The following CHRM3 variants were observed in gnomAD, a reference collection of about 807,000 sequenced individuals.
The protein encoded by CHRM3 is cholinergic receptor muscarinic 3, also known as muscarinic acetylcholine receptor M3.
A neutral mutation model predicts 41.8 loss-of-function variants in CHRM3; 11 were observed. That is an observed-to-expected ratio of 0.26 (90% CI 0.17 to 0.44). CHRM3 has a LOEUF of 0.44. Ranked by LOEUF, CHRM3 falls within the 20% of genes least tolerant of loss-of-function variation. The pLI, the probability that CHRM3 is intolerant of heterozygous loss-of-function variation, is 1.00. For missense variants in CHRM3, 571 were observed against 745.4 expected (o/e 0.77, Z 2.72); for synonymous variants, 297 against 301.4 (o/e 0.99, Z 0.15).
At chr1:239,470,916 T>C (rs1446154971) in intron 1 of CHRM3, among the ~76,000 whole-genome samples, 1 of 152,226 alleles carries the variant, frequency 6.6e-6, no homozygotes, top group Non-Finnish European at 1.5e-5. Flanking sequence ...AAAAAGTGAA[T>C]GGATTCAGTT....
chr1:239,654,258 T>C (rs1364066953), intron 4 of CHRM3, among the ~76,000 whole-genome samples: 1 of 152,154 alleles, frequency 6.6e-6, no homozygotes, highest in African/African-American at 2.4e-5. Context: ...TGCGAGCCAC[T>C]GTACCCAGCC....
intron 4 of CHRM3, among the ~76,000 whole-genome samples, chr1:239,668,084 CCTTT>C (rs1673993006): frequency 6.8e-6 from 1 of 146,222 alleles, no homozygotes; most frequent in African/African-American, 2.5e-5. Flanking sequence ...TTTTTTTTCC[CCTTT>C]CTTTTTTTTT....
intron 4 of CHRM3, among the ~76,000 whole-genome samples, chr1:239,669,173 G>A (rs558219238): frequency 1.3e-5 from 2 of 152,072 alleles, no homozygotes; most frequent in African/African-American, 2.4e-5. Context: ...TGGAGCCAGC[G>A]TTCCCCGAAG....
At chr1:239,896,650 A>G (rs1679030751) in intron 6 of CHRM3, among the ~76,000 whole-genome samples, 1 of 152,168 alleles carries the variant, frequency 6.6e-6, no homozygotes, top group South Asian at 2.1e-4. Flanking sequence ...ATCTCCCTTT[A>G]GAGCAGGGTT....
chr1:239,794,384 G>GTTTTTTTTTTT (rs1553268968), intron 5 of CHRM3, among the ~76,000 whole-genome samples: 1 of 119,158 alleles, frequency 8.4e-6, no homozygotes. Context: ...TAATTCGTTT[G>GTTTTTTTTTTT]TTGTTTTTTT....
At chr1:239,879,962 C>A (rs1052738833) in intron 6 of CHRM3, among the ~76,000 whole-genome samples, 9 of 152,196 alleles carry the variant, frequency 5.9e-5, no homozygotes, top group African/African-American at 2.2e-4. Flanking sequence ...GTTTGTTACC[C>A]AGCCAGGCTT....
At chr1:239,477,860 A>T (rs1461216930) in intron 1 of CHRM3, among the ~76,000 whole-genome samples, 7 of 152,222 alleles carry the variant, frequency 4.6e-5, no homozygotes, top group Admixed American at 4.6e-4. Context: ...GTACTCTGGA[A>T]GTTACCAAAT....
chr1:239,387,383 G>C lies in CHRM3; in HGVS notation c.-521+156G>C, dbSNP rs1338820864. 6.6e-6 allele frequency among the ~76,000 whole-genome samples: 1 copy of C among 152,026 alleles called. No homozygotes were observed. Among genetic ancestry groups the C allele is most frequent in the African/African-American group, 2.4e-5 (1 of 41,406 alleles). ...GGAGTCCAAAGAAGGGGCTGGGTAGGGACGAGAGAGGCTGTTGATTTGGGG... is the reference window on the plus strand; with the variant it reads ...GGAGTCCAAAGAAGGGGCTGGGTAGCGACGAGAGAGGCTGTTGATTTGGGG... On this transcript the variant is annotated intron_variant, in intron 1 of 6. Coordinates refer to ENST00000676153, the MANE Select transcript of CHRM3 (RefSeq NM_001375978.1). This position sits in a 1 kb window ranked among gnomAD's most constrained non-coding sequence, Gnocchi z 5.1.
intron 6 of CHRM3, among the ~76,000 whole-genome samples, chr1:239,858,957 A>G (rs2149260059): frequency 1.3e-5 from 2 of 152,324 alleles, no homozygotes; most frequent in Middle Eastern, 6.8e-3. Flanking sequence ...CTAATCATCC[A>G]TTGGATGCAA....
intron 3 of CHRM3, among the ~76,000 whole-genome samples, chr1:239,581,463 T>TG (rs201420860): frequency 1.1e-3 from 32 of 28,992 alleles, no homozygotes; most frequent in East Asian, 1.4e-3. Flanking sequence ...TGTGGGTGGG[T>TG]GGGGGGGATG....
chr1:239,680,596 G>C (rs16838689), intron 5 of CHRM3, among the ~76,000 whole-genome samples: 3,896 of 152,188 alleles, frequency 0.026, 81 homozygotes, highest in Admixed American at 0.055. Flanking sequence ...TTAATTTTAT[G>C]TCACAGCTAC....
At chr1:239,479,929 T>A (rs1666720198) in intron 1 of CHRM3, among the ~76,000 whole-genome samples, 1 of 152,196 alleles carries the variant, frequency 6.6e-6, no homozygotes, top group African/African-American at 2.4e-5. Context: ...CTACATAGGC[T>A]ACACTAAATT....
rs535000879 is a variant in CHRM3, at chr1:239,478,896, C to G, written c.-520-13813C>G. ...TGGTTTTTCACAAATTAAAAAGAGACAGCAGGCCAGGCATGCTGGCTCATG... is the reference window on the plus strand; with the variant it reads ...TGGTTTTTCACAAATTAAAAAGAGAGAGCAGGCCAGGCATGCTGGCTCATG... On this transcript the variant is annotated intron_variant, in intron 1 of 6. Transcript: ENST00000676153. Among the ~76,000 whole-genome samples the G allele has an allele frequency of 1.2e-4, 19 of 152,076 alleles. No homozygotes were observed. The East Asian group carries it at 3.3e-3, about 26-fold the overall frequency.
intron 2 of CHRM3, among the ~76,000 whole-genome samples, chr1:239,497,519 C>G (rs1667962727): frequency 6.6e-6 from 1 of 152,200 alleles, no homozygotes. Context: ...GTAGATCATA[C>G]TATCTGTTCC....
At chr1:239,769,285 A>G (rs1486708681) in intron 5 of CHRM3, among the ~76,000 whole-genome samples, 3 of 152,084 alleles carry the variant, frequency 2.0e-5, no homozygotes, top group Non-Finnish European at 2.9e-5. Flanking sequence ...CCTACTCTGC[A>G]TTTCCCTGGA....
At chr1:239,567,305 GA>G (rs34425115) in intron 3 of CHRM3, among the ~76,000 whole-genome samples, 78 of 140,746 alleles carry the variant, frequency 5.5e-4, no homozygotes, top group Middle Eastern at 7.4e-3. Flanking sequence ...GACCTCATCT[GA>G]AAAAAAAAAA....
intron 2 of CHRM3, among the ~76,000 whole-genome samples, chr1:239,500,679 C>T (rs1668177411): frequency 1.3e-5 from 2 of 149,386 alleles, no homozygotes; most frequent in Admixed American, 1.3e-4. Flanking sequence ...ACTTATAAAA[C>T]AAAAATACAT....
rs114739624 is a variant in CHRM3, at chr1:239,659,522, C to A, written c.-249-18664C>A. 3.2e-3 allele frequency among the ~76,000 whole-genome samples: 485 copies of A among 152,332 alleles called. 3 individuals carry two copies. Among genetic ancestry groups the A allele is most frequent in the African/African-American group, 0.011 (460 of 41,580 alleles). The stretch of plus-strand genomic sequence containing the variant: ...TTCTCTGTCTGTACTAGTAAAAGCA[C>A]AAGTCTGTCCAAGTAGCCACCAAGT... On this transcript the variant is annotated intron_variant, in intron 4 of 6. Coordinates refer to ENST00000676153, the MANE Select transcript of CHRM3 (RefSeq NM_001375978.1).
chr1:239,896,555 G>A (rs1679021982), intron 6 of CHRM3, among the ~76,000 whole-genome samples: 1 of 152,300 alleles, frequency 6.6e-6, no homozygotes. Context: ...TTGAAGAGAT[G>A]TGGAGTTTGC....
Sources: allele counts gnomAD v4.1 joint callset (sites outside exome capture counted in the v4.1 genomes callset), GRCh38; gene constraint gnomAD v4.1.1; non-coding constraint Gnocchi (gnomAD v3.1); transcripts MANE v1.5; gene names NCBI Gene and HGNC (gene_info 2026-07-23, HGNC 2026-07-21).